BAZ1A: variants seen among roughly 807,000 people sequenced by gnomAD.
BAZ1A encodes the protein bromodomain adjacent to zinc finger domain protein 1A.
BAZ1A carries 50 observed loss-of-function variants against 185.2 expected under a neutral mutation model. The observed-to-expected ratio is 0.27, with a 90% CI of 0.22 to 0.34. The LOEUF is 0.34. Ranked by LOEUF, BAZ1A falls within the 10% of genes least tolerant of loss-of-function variation. The pLI, the probability that BAZ1A is intolerant of heterozygous loss-of-function variation, is 1.00. For missense variants in BAZ1A, 1,356 were observed against 1,839.9 expected (o/e 0.74, Z 4.81); for synonymous variants, 571 against 615.6 (o/e 0.93, Z 1.07).
At chr14:34,754,417 CAAAAAAA>C (rs111245900) in intron 26 of BAZ1A, among the ~76,000 whole-genome samples, 2 of 104,890 alleles carry the variant, frequency 1.9e-5, no homozygotes, top group East Asian at 2.7e-4. Context: ...AGACGTATCT[CAAAAAAA>C]AAAAAAAAGA....
At chr14:34,837,213 C>G (rs2042344339) in intron 3 of BAZ1A, among the ~76,000 whole-genome samples, 1 of 151,554 alleles carries the variant, frequency 6.6e-6, no homozygotes, top group Non-Finnish European at 1.5e-5. Flanking sequence ...AAGACTAAAT[C>G]CATTATTAAA....
Position 34,814,961 on chromosome 14 carries a change from G to A in BAZ1A, c.537-3925C>T, listed in dbSNP as rs187101308. 2.6e-3 allele frequency among the ~76,000 whole-genome samples: 388 copies of A among 151,368 alleles called. 3 individuals carry two copies. The highest frequency in any genetic ancestry group is 9.1e-3 in the African/African-American group (375 of 41,218). On this transcript the variant is annotated intron_variant, in intron 4 of 26. Transcript: ENST00000360310. The stretch of plus-strand genomic sequence containing the variant: ...GCTAATTTTATGTATTTTTAGTAGA[G>A]ACAGGGTTTCACTATGTTGGCCAGG...
rs1004681128 is a variant in BAZ1A, at chr14:34,875,273, C to G, written c.-194G>C. The G allele has an allele frequency of 9.9e-5, 45 of 455,490 alleles. No homozygotes were observed. The highest frequency in any genetic ancestry group is 7.8e-4 in the African/African-American group (39 of 50,136). The allele number at this position is 455,490 out of a possible 1,614,324, so 28.2% of individuals were successfully genotyped here. ...TGCCGCTTCTCCCGCTGCCACTGCCCGACTCCGCGCGGGGAATTGCGTCCC... is the reference window on the plus strand; with the variant it reads ...TGCCGCTTCTCCCGCTGCCACTGCCGGACTCCGCGCGGGGAATTGCGTCCC... On this transcript the variant is annotated 5_prime_UTR_variant, in exon 1 of 27. Coordinates refer to ENST00000360310, the MANE Select transcript of BAZ1A (RefSeq NM_013448.3).
chr14:34,815,628 G>T (rs953929007), intron 4 of BAZ1A, among the ~76,000 whole-genome samples: 1 of 152,130 alleles, frequency 6.6e-6, no homozygotes, highest in Non-Finnish European at 1.5e-5. Context: ...AGTTATATAT[G>T]TAAATTTTAA....
At chr14:34,766,999 T>C (rs1390768243) in intron 21 of BAZ1A, among the ~76,000 whole-genome samples, 15 of 152,210 alleles carry the variant, frequency 9.9e-5, no homozygotes, top group Admixed American at 9.8e-4. Flanking sequence ...TTCAAAATGA[T>C]TGAGATTAAA....
chr14:34,801,056 A>C (rs1434535500), intron 8 of BAZ1A, 38 bp downstream of exon 8: 2 of 1,428,326 alleles, frequency 1.4e-6, no homozygotes, highest in Non-Finnish European at 1.9e-6. Flanking sequence ...ATTCTTTCTT[A>C]TTCCTAATTA....
At chr14:34,796,776 A>G (rs1176765557) in intron 9 of BAZ1A, among the ~76,000 whole-genome samples, 1 of 152,196 alleles carries the variant, frequency 6.6e-6, no homozygotes, top group Non-Finnish European at 1.5e-5. Context: ...CACTTATCAA[A>G]TTTTCAACAT....
intron 4 of BAZ1A, among the ~76,000 whole-genome samples, chr14:34,812,227 G>T (rs934733737): frequency 6.6e-6 from 1 of 151,598 alleles, no homozygotes; most frequent in Non-Finnish European, 1.5e-5. Context: ...CAGAGATCTG[G>T]GGGGGGAGGG....
At chr14:34,771,721 C>G in intron 20 of BAZ1A, 62 bp from the exon 21 acceptor site, 3 of 1,495,822 alleles carry the variant, frequency 2.0e-6, no homozygotes, top group Non-Finnish European at 2.7e-6. Context: ...AAACTTGAGT[C>G]CATTCATTGG....
chr14:34,792,826 C>T lies in BAZ1A; in HGVS notation c.1459G>A (p.Glu487Lys). 2 of 1,613,968 alleles carry T rather than the reference C, an allele frequency of 1.2e-6. No homozygotes were observed. The highest frequency in any genetic ancestry group is 1.7e-6 in the Non-Finnish European group (2 of 1,179,992). The change falls in exon 12 of 27, where the codon GAA becomes AAA. Residue 487 changes from glutamate to lysine, a missense_variant. By Grantham distance (56) the Glu-to-Lys change is moderately conservative. This residue lies in a region of BAZ1A where 184 missense variants were observed against 355.1 expected (regional missense o/e 0.52). Coordinates refer to ENST00000360310, the MANE Select transcript of BAZ1A (RefSeq NM_013448.3). ...FLTAIFQAIA[E>K]EEEEVAKEQL... ...TCTTTGGCTACTTCCTCTTCTTCTT[C>T]AGCTATTGCCTGGAAGATTGCAGTC...
chr14:34,792,544 A>G (rs952477645), intron 12 of BAZ1A, among the ~76,000 whole-genome samples: 7 of 152,306 alleles, frequency 4.6e-5, no homozygotes, highest in East Asian at 1.9e-4. Context: ...AAAGGAATAA[A>G]AGCAAGATAG....
At chr14:34,809,705 G>A (rs2041902372) in intron 5 of BAZ1A, among the ~76,000 whole-genome samples, 1 of 152,108 alleles carries the variant, frequency 6.6e-6, no homozygotes, top group South Asian at 2.1e-4. Context: ...AACCAAGGCT[G>A]TAACCATGGC....
chr14:34,793,180 A>T (rs901038823), intron 11 of BAZ1A, among the ~76,000 whole-genome samples: 3 of 152,208 alleles, frequency 2.0e-5, no homozygotes, highest in Non-Finnish European at 4.4e-5. Context: ...ATTTCATTTA[A>T]ATTTAAATTT....
intron 20 of BAZ1A, among the ~76,000 whole-genome samples, chr14:34,771,957 C>T (rs944253274): frequency 2.7e-4 from 41 of 150,280 alleles, no homozygotes; most frequent in African/African-American, 9.3e-4. Context: ...TTGTTTTGCC[C>T]TTTTTTTTTG....
rs551726170 is a variant in BAZ1A at position 34,864,808 on chromosome 14, G to A, written c.114-2486C>T. Among the ~76,000 whole-genome samples, 13 of 131,476 alleles carry A rather than the reference G, an allele frequency of 9.9e-5. No individual in the cohort carries two copies. The East Asian group carries it at 1.1e-3, about 11-fold the overall frequency. The allele number at this position is 131,476 out of a possible 152,430, so 86.3% of individuals were successfully genotyped here. ...TTTTTTTTTTAAAGACAGAGTTCTCGCTCTGTCACCCAGGCTGGAGTGTAG... is the reference window on the plus strand; with the variant it reads ...TTTTTTTTTTAAAGACAGAGTTCTCACTCTGTCACCCAGGCTGGAGTGTAG... On this transcript the variant is annotated intron_variant, in intron 2 of 26. Coordinates refer to ENST00000360310, the MANE Select transcript of BAZ1A (RefSeq NM_013448.3).
chr14:34,849,956 C>T (rs2042572062), intron 3 of BAZ1A, among the ~76,000 whole-genome samples: 1 of 152,194 alleles, frequency 6.6e-6, no homozygotes, highest in Non-Finnish European at 1.5e-5. Flanking sequence ...TTTATTAGCT[C>T]CTTCAAACTT....
At chr14:34,812,375 A>G (rs2041942549) in intron 4 of BAZ1A, among the ~76,000 whole-genome samples, 1 of 152,216 alleles carries the variant, frequency 6.6e-6, no homozygotes, top group Non-Finnish European at 1.5e-5. Context: ...GGAAAATGAA[A>G]GAAGATTCAG....
chr14:34,767,635 C>A (rs918583090), intron 21 of BAZ1A, among the ~76,000 whole-genome samples: 1 of 152,096 alleles, frequency 6.6e-6, no homozygotes, highest in African/African-American at 2.4e-5. Flanking sequence ...TTTTACTTAT[C>A]TTGGTTTTTA....
chr14:34,841,381 A>G (rs1490726400), intron 3 of BAZ1A, among the ~76,000 whole-genome samples: 1 of 152,044 alleles, frequency 6.6e-6, no homozygotes, highest in Non-Finnish European at 1.5e-5. Flanking sequence ...CACTAGCCAA[A>G]TAAGACTTAC....
Sources: allele counts gnomAD v4.1 joint callset (sites outside exome capture counted in the v4.1 genomes callset), GRCh38; gene constraint gnomAD v4.1.1; regional missense constraint gnomAD v4.1.1; transcripts MANE v1.5; gene names NCBI Gene and HGNC (gene_info 2026-07-23, HGNC 2026-07-21).